MYO1B: variants seen among roughly 807,000 people sequenced by gnomAD.
MYO1B encodes the protein unconventional myosin-Ib.
Under a neutral mutation model 159.7 loss-of-function variants are expected in MYO1B, and 72 were observed. The observed-to-expected ratio is 0.45, with a 90% confidence interval of 0.37 to 0.55. The LOEUF (loss-of-function observed/expected upper bound fraction) is 0.55. MYO1B is among the 20% of genes least tolerant of loss of function. The probability of loss-of-function intolerance (pLI) is 0.00; values close to 1 mark genes in which losing one functional copy is unlikely to be tolerated. For missense variants in MYO1B, 1,062 were observed against 1,364.8 expected, an observed-to-expected ratio of 0.78 and a Z score of 3.50; for synonymous variants, 468 against 473.8, an observed-to-expected ratio of 0.99 and a Z score of 0.16.
chr2:191,275,368 T>C (rs567545513), intron 1 of MYO1B, among the ~76,000 whole-genome samples: 3 of 152,334 alleles, frequency 2.0e-5, no homozygotes, highest in Non-Finnish European at 4.4e-5. Flanking sequence ...TTTTGGCTTT[T>C]CATAGCCAAA....
At chr2:191,256,647 ACT>A (rs925261936) in intron 1 of MYO1B, among the ~76,000 whole-genome samples, 73 of 152,240 alleles carry the variant, frequency 4.8e-4, no homozygotes, top group African/African-American at 1.6e-3. Context: ...TTTACTTTTA[ACT>A]CTCTATTTTC....
chr2:191,284,496 G>A (rs1271009071), intron 2 of MYO1B, among the ~76,000 whole-genome samples: 1 of 152,156 alleles, frequency 6.6e-6, no homozygotes, highest in Admixed American at 6.5e-5. Flanking sequence ...TACTTATCTT[G>A]TTGAGTTGTG....
At chr2:191,345,268 G>A (rs998543855) in intron 5 of MYO1B, among the ~76,000 whole-genome samples, 1 of 152,126 alleles carries the variant, frequency 6.6e-6, no homozygotes, top group East Asian at 1.9e-4. Flanking sequence ...TAGTTAGTTT[G>A]CACATTAAAG....
intron 27 of MYO1B, among the ~76,000 whole-genome samples, chr2:191,413,662 C>T (rs1038606722): frequency 1.1e-4 from 17 of 152,190 alleles, no homozygotes; most frequent in African/African-American, 3.9e-4. Context: ...TGTTTGAAGG[C>T]GTTAGTAAAT....
chr2:191,400,535 G>T, intron 22 of MYO1B, 67 bp downstream of exon 22: 1 of 1,546,858 alleles, frequency 6.5e-7, no homozygotes, highest in Non-Finnish European at 8.9e-7. Flanking sequence ...TGAACCCTCG[G>T]CTTCAGGGGC....
intron 7 of MYO1B, among the ~76,000 whole-genome samples, chr2:191,357,029 G>A (rs1470437431): frequency 6.6e-6 from 1 of 152,126 alleles, no homozygotes; most frequent in African/African-American, 2.4e-5. Context: ...TTCGTAATTA[G>A]CCTTAATCAA....
chr2:191,416,234 T>C lies in MYO1B; in HGVS notation c.3279T>C (p.Ile1093=). ...SQTKQKLNIE[I]SDEFLVQFRQ... is the part of the protein sequence containing the mutation. ...CCAAACAGAAGCTCAATATTGAGAT[T>C]TCCGATGAGTACGTTCATGTATTGT... The change falls in exon 30 of 31, where the codon ATT becomes ATC. Residue 1093 remains isoleucine (I), a synonymous_variant. Transcript: ENST00000392318. 1 of 1,614,186 alleles carries C rather than the reference T, an allele frequency of 6.2e-7. No individual in the cohort carries two copies. The highest frequency in any genetic ancestry group is 8.5e-7 in the Non-Finnish European group (1 of 1,180,026).
At chr2:191,280,340 G>A (rs887061506) in intron 2 of MYO1B, among the ~76,000 whole-genome samples, 1 of 152,236 alleles carries the variant, frequency 6.6e-6, no homozygotes, top group Non-Finnish European at 1.5e-5. Flanking sequence ...AAATCCAGAA[G>A]TCATTCTGCT....
intron 3 of MYO1B, among the ~76,000 whole-genome samples, chr2:191,297,168 T>C (rs1201906546): frequency 6.6e-6 from 1 of 152,246 alleles, no homozygotes; most frequent in Non-Finnish European, 1.5e-5. Flanking sequence ...AGAAATATGC[T>C]AAGTTGGGCC....
At chr2:191,377,550 T>A (rs1249371476) in intron 13 of MYO1B, 1 of 152,180 alleles carries the variant, frequency 6.6e-6, no homozygotes, top group Non-Finnish European at 1.5e-5. Flanking sequence ...CATATAAAGT[T>A]GCTTTGGGGC....
At chr2:191,346,178 C>G (rs557484537) in intron 5 of MYO1B, 58 bp from the exon 6 acceptor site, 1 of 1,292,864 alleles carries the variant, frequency 7.7e-7, no homozygotes, top group Non-Finnish European at 1.1e-6. Context: ...TTTGCTTTAT[C>G]TTTCTGCTTG....
intron 1 of MYO1B, among the ~76,000 whole-genome samples, chr2:191,249,930 G>A (rs1276205036): frequency 1.3e-5 from 2 of 151,328 alleles, no homozygotes; most frequent in Non-Finnish European, 3.0e-5. Context: ...CTTACCATAA[G>A]CAGCATAGAG....
At chr2:191,354,767 G>C (rs868266565) in intron 7 of MYO1B, among the ~76,000 whole-genome samples, 3 of 152,176 alleles carry the variant, frequency 2.0e-5, no homozygotes, top group South Asian at 2.1e-4. Flanking sequence ...GCCTAGGAAA[G>C]CATATGGCAT....
chr2:191,296,948 T>C (rs975950298), intron 3 of MYO1B, among the ~76,000 whole-genome samples: 1 of 152,212 alleles, frequency 6.6e-6, no homozygotes, highest in Admixed American at 6.5e-5. Context: ...TAGAACCGGG[T>C]TATTCAACCC....
chr2:191,409,279 T>A, intron 26 of MYO1B, 101 bp downstream of exon 26: 1 of 1,293,816 alleles, frequency 7.7e-7, no homozygotes, highest in Non-Finnish European at 1.1e-6. Flanking sequence ...TTCCTTTGCC[T>A]CAAAGAGGAT....
intron 24 of MYO1B, among the ~76,000 whole-genome samples, chr2:191,407,237 G>A (rs1017770137): frequency 9.2e-5 from 14 of 152,056 alleles, no homozygotes; most frequent in East Asian, 3.8e-4. Flanking sequence ...CTTACATCCC[G>A]TAATGTAGAA....
At chr2:191,393,744 C>T (rs191289900) in intron 20 of MYO1B, among the ~76,000 whole-genome samples, 1 of 152,254 alleles carries the variant, frequency 6.6e-6, no homozygotes, top group Admixed American at 6.5e-5. Context: ...GTATCTGGCT[C>T]TATTAACTAT....
In MYO1B at chr2:191,300,639, C is replaced by CTTTTTTTTTTTTTTTTTTT; in HGVS notation, c.251+4429_251+4430insTTTTTTTTTTTTTTTTTTT. ...TTACAGGTGTGACACTGTGCGCAGC[C>CTTTTTTTTTTTTTTTTTTT]TTTTTTTTTTTTTTTTAAGAGATGA... On this transcript the variant is annotated intron_variant, in intron 3 of 30. Transcript: ENST00000392318. 2.1e-4 allele frequency among the ~76,000 whole-genome samples: 14 copies of CTTTTTTTTTTTTTTTTTTT among 66,932 alleles called. 5 individuals are homozygous for CTTTTTTTTTTTTTTTTTTT. Among genetic ancestry groups the CTTTTTTTTTTTTTTTTTTT allele is most frequent in the African/African-American group, 4.5e-4 (7 of 15,604 alleles). The allele number at this position is 66,932 out of a possible 152,430, so 43.9% of individuals were successfully genotyped here. A position where few individuals can be genotyped will look rare whatever the true frequency, so the allele number is the denominator to read the frequency against.
intron 4 of MYO1B, among the ~76,000 whole-genome samples, chr2:191,339,258 G>A (rs1363044700): frequency 6.6e-6 from 1 of 152,196 alleles, no homozygotes; most frequent in Non-Finnish European, 1.5e-5. Context: ...ATCCTGAAGT[G>A]AGCAGGGAAG....
Sources: allele counts gnomAD v4.1 joint callset (sites outside exome capture counted in the v4.1 genomes callset), GRCh38; gene constraint gnomAD v4.1.1; transcripts MANE v1.5; gene names NCBI Gene and HGNC (gene_info 2026-07-23, HGNC 2026-07-21).